TOX: variants seen among roughly 807,000 people sequenced by gnomAD.
TOX encodes thymocyte selection-associated high mobility group box protein TOX.
TOX carries 11 observed loss-of-function variants against 53.7 expected under a neutral mutation model. That is an observed-to-expected ratio of 0.20 (90% CI 0.13 to 0.34). The LOEUF (loss-of-function observed/expected upper bound fraction) is 0.34. Among genes scored for constraint, TOX ranks in the 10% least tolerant of loss-of-function variants. The pLI, the probability that TOX is intolerant of heterozygous loss-of-function variation, is 1.00. For missense variants in TOX, 570 were observed against 664.6 expected, an observed-to-expected ratio of 0.86 and a Z score of 1.56; for synonymous variants, 225 against 245.3, an observed-to-expected ratio of 0.92 and a Z score of 0.77.
intron 1 of TOX, among the ~76,000 whole-genome samples, chr8:59,020,153 C>G (rs551270374): frequency 1.3e-5 from 2 of 152,250 alleles, no homozygotes; most frequent in African/African-American, 4.8e-5. Context: ...GGCTTCAAAA[C>G]CACTATAGAA....
intron 3 of TOX, among the ~76,000 whole-genome samples, chr8:58,913,274 C>T (rs907366656): frequency 2.6e-5 from 4 of 152,158 alleles, no homozygotes; most frequent in Middle Eastern, 3.2e-3. Flanking sequence ...TATGATTGCA[C>T]CACTGCACTC....
chr8:58,972,523 A>G (rs1442336911), intron 1 of TOX, among the ~76,000 whole-genome samples: 1 of 152,210 alleles, frequency 6.6e-6, no homozygotes, highest in Non-Finnish European at 1.5e-5. Context: ...ACATAGGATG[A>G]TATGTCTCCT....
intron 7 of TOX, among the ~76,000 whole-genome samples, chr8:58,814,893 A>G (rs552796041): frequency 1.1e-4 from 17 of 152,298 alleles, no homozygotes; most frequent in African/African-American, 3.6e-4. Flanking sequence ...ATTTTTCAGC[A>G]TTTATTGGAC....
chr8:59,104,625 T>G (rs1183273374), intron 1 of TOX, among the ~76,000 whole-genome samples: 1 of 152,246 alleles, frequency 6.6e-6, no homozygotes, highest in African/African-American at 2.4e-5. Flanking sequence ...AGAAGTATGC[T>G]TGCATCTCCA....
intron 2 of TOX, among the ~76,000 whole-genome samples, chr8:58,949,332 T>C (rs1462150289): frequency 6.6e-6 from 1 of 152,232 alleles, no homozygotes; most frequent in Non-Finnish European, 1.5e-5. Flanking sequence ...TGTTCTTTCA[T>C]TTATTCTATC....
chr8:59,073,135 A>G (rs1260550032), intron 1 of TOX, among the ~76,000 whole-genome samples: 1 of 152,190 alleles, frequency 6.6e-6, no homozygotes, highest in African/African-American at 2.4e-5. Flanking sequence ...TCTTATACCT[A>G]AACAGTGACA....
At chr8:58,867,057 T>C (rs548757950) in intron 3 of TOX, among the ~76,000 whole-genome samples, 5 of 152,322 alleles carry the variant, frequency 3.3e-5, no homozygotes, top group African/African-American at 9.6e-5. Flanking sequence ...AAGGAATATC[T>C]ACCCAGCATT....
intron 1 of TOX, among the ~76,000 whole-genome samples, chr8:59,113,245 G>A (rs1234761135): frequency 6.6e-6 from 1 of 152,184 alleles, no homozygotes; most frequent in East Asian, 1.9e-4. Context: ...GAGGAAGGAT[G>A]TTTAAGGGGC....
At position 59,118,548 on chromosome 8, in the gene TOX, G is replaced by A. The variant is rs1805149802; in HGVS notation, c.102+338C>T. Reference sequence around the variant, plus strand: ...TTCTCTTACTCTGCCTCCGTTCCTGGACCCCAGACACACCCCCAAAGTATT... The same window carrying A: ...TTCTCTTACTCTGCCTCCGTTCCTGAACCCCAGACACACCCCCAAAGTATT... On this transcript the variant is annotated intron_variant, in intron 1 of 8. Transcript: ENST00000361421. This position sits in a 1 kb window ranked among gnomAD's most constrained non-coding sequence, Gnocchi z 4.1. Among the ~76,000 whole-genome samples the A allele has an allele frequency of 6.6e-6, 1 of 152,100 alleles. No individual in the cohort carries two copies. The highest frequency in any genetic ancestry group is 1.5e-5 in the Non-Finnish European group (1 of 68,022).
intron 3 of TOX, among the ~76,000 whole-genome samples, chr8:58,926,969 A>G (rs898367982): frequency 6.6e-6 from 1 of 152,162 alleles, no homozygotes; most frequent in African/African-American, 2.4e-5. Context: ...CTACAACTTT[A>G]GGTACTAAAA....
intron 1 of TOX, among the ~76,000 whole-genome samples, chr8:59,078,861 G>A (rs76161212): frequency 0.011 from 1,611 of 152,302 alleles, 42 homozygotes; most frequent in African/African-American, 0.037. Flanking sequence ...AAATGCTGAC[G>A]GAGATAGAGA....
At chr8:58,849,566 T>G (rs1810773639) in intron 4 of TOX, among the ~76,000 whole-genome samples, 1 of 152,190 alleles carries the variant, frequency 6.6e-6, no homozygotes, top group African/African-American at 2.4e-5. Context: ...GCAGAACCCA[T>G]GAATGTTAAT....
intron 1 of TOX, among the ~76,000 whole-genome samples, chr8:59,100,382 A>G (rs1804786262): frequency 6.6e-6 from 1 of 152,226 alleles, no homozygotes. Flanking sequence ...GAATTTAAAC[A>G]CAACCTGCTA....
At chr8:58,988,174 A>G (rs1813370009) in intron 1 of TOX, among the ~76,000 whole-genome samples, 1 of 152,236 alleles carries the variant, frequency 6.6e-6, no homozygotes, top group Non-Finnish European at 1.5e-5. Flanking sequence ...CAAAGACTGA[A>G]AGGACACAAC....
chr8:59,066,218 A>T (rs1228145804), intron 1 of TOX, among the ~76,000 whole-genome samples: 1 of 152,226 alleles, frequency 6.6e-6, no homozygotes, highest in African/African-American at 2.4e-5. Context: ...TCAGAAAAGG[A>T]CTTACAATAG....
intron 1 of TOX, among the ~76,000 whole-genome samples, chr8:59,012,352 AGGGGGTGTTG>A (rs977574832): frequency 1.3e-5 from 2 of 151,926 alleles, no homozygotes; most frequent in African/African-American, 4.8e-5. Context: ...GAATACCACG[AGGGGGTGTTG>A]GGGAGCAACT....
chr8:58,830,306 T>A (rs1262209652), intron 5 of TOX, among the ~76,000 whole-genome samples: 1 of 152,134 alleles, frequency 6.6e-6, no homozygotes, highest in Non-Finnish European at 1.5e-5. Context: ...CCATATCCCA[T>A]CTAAGGATTG....
rs183131742 is a variant in TOX, at chr8:58,963,705, T to G, written c.103-3697A>C. 2.6e-5 allele frequency among the ~76,000 whole-genome samples: 4 copies of G among 152,240 alleles called. No individual in the cohort carries two copies. In the East Asian group the frequency reaches 7.7e-4, roughly 29 times the overall value. On this transcript the variant is annotated intron_variant, in intron 1 of 8. Coordinates refer to ENST00000361421, the MANE Select transcript of TOX (RefSeq NM_014729.3). Reference sequence around the variant, plus strand: ...TTGTAGACTCCTCACCTCTCCTTAGTGAGGGCTGGGCTGTCTGCAGGCTCT... The same window carrying G: ...TTGTAGACTCCTCACCTCTCCTTAGGGAGGGCTGGGCTGTCTGCAGGCTCT...
Position 58,806,888 on chromosome 8 carries a change from A to T in TOX, c.*859T>A, listed in dbSNP as rs1414502574. The T allele has an allele frequency of 6.5e-6, 1 of 152,674 alleles. No individual in the cohort carries two copies. The highest frequency in any genetic ancestry group is 6.5e-5 in the Admixed American group (1 of 15,286). The allele number at this position is 152,674 out of a possible 1,614,324, so 9.5% of individuals were successfully genotyped here. The stretch of plus-strand genomic sequence containing the variant: ...TATGAAGAAACAATAAGACAGAGCC[A>T]TATGTAAAAGTTGTAATTTAGCTGT... On this transcript the variant is annotated 3_prime_UTR_variant, in exon 9 of 9. Coordinates refer to ENST00000361421, the MANE Select transcript of TOX (RefSeq NM_014729.3).
Sources: gnomAD v4.1 joint callset for allele counts (sites outside exome capture counted in the v4.1 genomes callset) on GRCh38, gnomAD v4.1.1 for gene constraint, Gnocchi (gnomAD v3.1) non-coding constraint, MANE v1.5 for transcripts, NCBI Gene and HGNC (gene_info 2026-07-23, HGNC 2026-07-21) for gene names.